Variants in RNF44 observed in about 807,000 individuals in gnomAD.
The protein encoded by RNF44 is ring finger protein 44.
A neutral mutation model predicts 53.6 loss-of-function variants in RNF44; 25 were observed. That is an observed-to-expected ratio of 0.47 (90% CI 0.34 to 0.65). The LOEUF is 0.65. Ranked by LOEUF, RNF44 falls within the 30% of genes least tolerant of loss-of-function variation. The pLI is 0.01. For synonymous variants in RNF44, 282 were observed against 252.2 expected (o/e 1.12, Z -1.12); for missense variants, 581 against 595.5 (o/e 0.98, Z 0.25).
At chr5:176,530,002 G>C in intron 7 of RNF44, 80 bp downstream of exon 7, 2 of 1,477,508 alleles carry the variant, frequency 1.4e-6, no homozygotes, top group South Asian at 1.5e-5. Flanking sequence ...GGGGCCCCTG[G>C]AGCTGTGTTT....
In RNF44 at chr5:176,528,930, G is replaced by T; in HGVS notation, c.*98C>A. 1 of 1,169,534 alleles carries T rather than the reference G, an allele frequency of 8.6e-7. No individual in the cohort carries two copies. The highest frequency in any genetic ancestry group is 1.2e-6 in the Non-Finnish European group (1 of 819,468). 72.4% of individuals were successfully genotyped at this position (1,169,534 alleles called of 1,614,324 possible). A position where few individuals can be genotyped will look rare whatever the true frequency, so the allele number is the denominator to read the frequency against. ...CTGGAAATGCAGGCAGGAGCGAAGG[G>T]GCAGGCCTGGGCCACTCCCTCCCCA... On this transcript the variant is annotated 3_prime_UTR_variant, in exon 11 of 11. Transcript: ENST00000274811.
upstream of RNF44, chr5:176,537,967 A>T (rs1757336655): frequency 1.3e-5 from 2 of 152,158 alleles, no homozygotes; most frequent in African/African-American, 4.8e-5. Flanking sequence ...AAAAGCTGGT[A>T]CGGCCCAGAT....
chr5:176,539,807 GT>G (rs1757406655), upstream of RNF44, among the ~76,000 whole-genome samples: 1 of 152,130 alleles, frequency 6.6e-6, no homozygotes, highest in African/African-American at 2.4e-5. Context: ...TGGAAGCCTG[GT>G]TTTGGGGCTG....
In RNF44 at chr5:176,530,187, G is replaced by A. The variant is rs924212742; in HGVS notation, c.821C>T (p.Pro274Leu). Residue 274 changes from proline to leucine, a missense_variant, in exon 7 of 11, where the codon CCA (proline) becomes CTA (leucine). Pro to Leu is a moderately conservative substitution (Grantham distance 98). This residue lies in a region of RNF44 where 11 missense variants were observed against 31.0 expected (regional missense o/e 0.35). Coordinates refer to ENST00000274811, the MANE Select transcript of RNF44 (RefSeq NM_014901.5). ...GTATCTCTGGGTGCTCAGTCTCCGT[G>A]GCATCATGTGAGAATATGGCTGCAA... ...SFGVPYSHMMPRRLSTQRYRL... is the reference protein window; with the variant it reads ...SFGVPYSHMMLRRLSTQRYRL... 7.5e-7 allele frequency: 1 copy of A among 1,326,514 alleles called. No individual in the cohort carries two copies. Among genetic ancestry groups the A allele is most frequent in the Non-Finnish European group, 9.7e-7 (1 of 1,034,814 alleles). 82.2% of individuals were successfully genotyped at this position (1,326,514 alleles called of 1,614,324 possible). A position where few individuals can be genotyped will look rare whatever the true frequency, so the allele number is the denominator to read the frequency against.
At position 176,529,815 on chromosome 5, in the gene RNF44, C is replaced by T. The variant is rs201108439; in HGVS notation, c.930G>A (p.Ser310=). The change falls in exon 8 of 11, where the codon TCG becomes TCA. Residue 310 remains serine, a synonymous_variant. Coordinates refer to ENST00000274811, the MANE Select transcript of RNF44 (RefSeq NM_014901.5). ...TTGCTGTTGGTGACATTGGCAGCAT[C>T]GAGCTAGAGAGAGACAAGTGTGGGG... is the stretch of plus-strand genomic sequence containing the variant. ...YYPSFLPYFL[S]MLPMSPTAMG... 2.9e-5 allele frequency: 46 copies of T among 1,599,634 alleles called. No homozygotes were observed. The South Asian group carries it at 3.9e-4, about 13-fold the overall frequency.
chr5:176,529,652 C>G lies in RNF44; in HGVS notation c.1015-8G>C, dbSNP rs368799690. 1 of 1,613,612 alleles carries G rather than the reference C, an allele frequency of 6.2e-7. No individual in the cohort carries two copies. Among genetic ancestry groups the G allele is most frequent in the Non-Finnish European group, 8.5e-7 (1 of 1,179,830 alleles). On this transcript the variant is annotated splice_polypyrimidine_tract_variant and splice_region_variant and intron_variant, in intron 8 of 10. Transcript: ENST00000274811. ...GGCCAGGTTCAGGAGGGCCTGCATGCGGGCAGGAGACGGGGTCAGCGGCGC... is the reference window on the plus strand; with the variant it reads ...GGCCAGGTTCAGGAGGGCCTGCATGGGGGCAGGAGACGGGGTCAGCGGCGC...
chr5:176,538,877 A>G (rs1757375712), upstream of RNF44, among the ~76,000 whole-genome samples: 1 of 151,770 alleles, frequency 6.6e-6, no homozygotes, highest in Non-Finnish European at 1.5e-5. Context: ...CTGATTAACA[A>G]TTGTCCTTAG....
Position 176,531,396 on chromosome 5 carries a change from C to T in RNF44, c.465+67G>A, listed in dbSNP as rs913290133. The stretch of plus-strand genomic sequence containing the variant: ...GCCCAGTTCAGGGCTGCCCTGGGCC[C>T]GCTGAGCCGCTGGCCTGTGCCTGGG... On this transcript the variant is annotated intron_variant, in intron 4 of 10. Coordinates refer to ENST00000274811, the MANE Select transcript of RNF44 (RefSeq NM_014901.5). The surrounding 1 kb of genome is among the most constrained non-coding windows in gnomAD (Gnocchi z 4.2). 51 of 1,475,752 alleles carry T rather than the reference C, an allele frequency of 3.5e-5. 2 individuals carry two copies. The South Asian group carries it at 4.0e-4, about 12-fold the overall frequency. 91.4% of individuals were successfully genotyped at this position (1,475,752 alleles called of 1,614,324 possible).
upstream of RNF44, among the ~76,000 whole-genome samples, chr5:176,542,986 G>C (rs1309738316): frequency 6.6e-6 from 1 of 152,124 alleles, no homozygotes; most frequent in African/African-American, 2.4e-5. Context: ...GGGGGTGGCG[G>C]TCGGGACGTG....
At chr5:176,539,645 G>A (rs999001926), upstream of RNF44, among the ~76,000 whole-genome samples, 2 of 151,296 alleles carry the variant, frequency 1.3e-5, no homozygotes, top group Admixed American at 6.6e-5. Flanking sequence ...CTGAGATTGC[G>A]CCACTGCACT....
In RNF44 at chr5:176,532,406, A is replaced by C. The variant is rs1369946786; in HGVS notation, c.67T>G (p.Ser23Ala). Residue 23 changes from serine (S) to alanine (A), a missense_variant, in exon 2 of 11, where the codon TCT becomes GCT. Ser to Ala is a moderately conservative substitution (Grantham distance 99). Transcript: ENST00000274811. ...CCCGGGGTGCTGCCAGGTCCCGCAG[A>C]GAATCGCCGCTGGCCCACGGGGGCG... ...PSAPVGQRRF[S>A]AGPGSTPGQL... 3 of 1,609,316 alleles carry C rather than the reference A, an allele frequency of 1.9e-6. No homozygotes were observed. Among genetic ancestry groups the C allele is most frequent in the Non-Finnish European group, 2.5e-6 (3 of 1,179,016 alleles).
intron 1 of RNF44, among the ~76,000 whole-genome samples, chr5:176,534,161 A>G (rs1756958177): frequency 1.3e-5 from 2 of 152,268 alleles, no homozygotes; most frequent in Non-Finnish European, 2.9e-5. Context: ...TGTCCAGCTC[A>G]GGGCAGGCCT....
At chr5:176,536,708 G>A (rs1251506298) in intron 1 of RNF44, among the ~76,000 whole-genome samples, 2 of 150,696 alleles carry the variant, frequency 1.3e-5, no homozygotes, top group Non-Finnish European at 2.9e-5. Context: ...GAGGGGGGCG[G>A]CTCCTTCCTC....
In RNF44 at chr5:176,530,260, CCGGAGCCCAGG is replaced by C. The variant is rs1355935524; in HGVS notation, c.802-65_802-55del. On this transcript the variant is annotated intron_variant, in intron 6 of 10. Coordinates refer to ENST00000274811, the MANE Select transcript of RNF44 (RefSeq NM_014901.5). ...CCAGCAGGCCTGCCTCCCAGCCGCC[CCGGAGCCCAGG>C]TGCAAGTCAGCCCGGTGGGCCTGCC... 6.0e-5 allele frequency: 44 copies of C among 737,240 alleles called. 1 individual carries two copies. The East Asian group carries it at 7.6e-4, about 13-fold the overall frequency. 45.7% of individuals were successfully genotyped at this position (737,240 alleles called of 1,614,324 possible). A position where few individuals can be genotyped will look rare whatever the true frequency, so the allele number is the denominator to read the frequency against.
rs1561845032 is a variant in RNF44 at position 176,530,317 on chromosome 5, AGGT to A, written c.802-114_802-112del. 1.8e-3 allele frequency: 393 copies of A among 223,356 alleles called. 43 individuals are homozygous for A. Among genetic ancestry groups the A allele is most frequent in the Middle Eastern group, 6.3e-3 (5 of 794 alleles). The allele number at this position is 223,356 out of a possible 1,614,324, so 13.8% of individuals were successfully genotyped here. On this transcript the variant is annotated intron_variant, in intron 6 of 10. Transcript: ENST00000274811. ...CTGCCTCCCAGCCGCCCCGGAGCCCAGGTGCAAGTCAGCCCGGTGGGCCTGCCT... is the reference window on the plus strand; with the variant it reads ...CTGCCTCCCAGCCGCCCCGGAGCCCAGCAAGTCAGCCCGGTGGGCCTGCCT...
chr5:176,531,518 G>C lies in RNF44; in HGVS notation c.410C>G (p.Ala137Gly), dbSNP rs1268344762. 1 of 1,605,358 alleles carries C rather than the reference G, an allele frequency of 6.2e-7. No homozygotes were observed. Among genetic ancestry groups the C allele is most frequent in the African/African-American group, 1.3e-5 (1 of 74,730 alleles). Residue 137 changes from alanine to glycine, a missense_variant, in exon 4 of 11, where the codon GCA (alanine) becomes GGA (glycine). Ala to Gly is a moderately conservative substitution (Grantham distance 60). This residue lies in a region of RNF44 where 387 missense variants were observed against 366.0 expected (regional missense o/e 1.06). Transcript: ENST00000274811. This position sits in a 1 kb window ranked among gnomAD's most constrained non-coding sequence, Gnocchi z 4.2. The stretch of plus-strand genomic sequence containing the variant: ...CTGCCCACTGAACATCACGGAGCAT[G>C]CTGGGAGCTGCTGGGCACTGCAGCC... ...IPGCSAQQLPACSVMFSGQHY... is the reference protein window; with the variant it reads ...IPGCSAQQLPGCSVMFSGQHY...
upstream of RNF44, among the ~76,000 whole-genome samples, chr5:176,540,725 C>T (rs1041026139): frequency 6.6e-6 from 1 of 152,230 alleles, no homozygotes; most frequent in Non-Finnish European, 1.5e-5. Context: ...AACCGCTGCC[C>T]TGTCCCTGCC....
At chr5:176,535,490 A>G (rs1305009564) in intron 1 of RNF44, among the ~76,000 whole-genome samples, 1 of 152,120 alleles carries the variant, frequency 6.6e-6, no homozygotes, top group Non-Finnish European at 1.5e-5. Flanking sequence ...TAGAAGGGTT[A>G]CACCCACTTC....
chr5:176,530,921 G>GGGGGGGGGGGGC lies in RNF44; in HGVS notation c.565_566insGCCCCCCCCCCC (p.Ala189delinsGlyProProProPro). The GGGGGGGGGGGGC allele has an allele frequency of 6.4e-6, 5 of 778,440 alleles. No homozygotes were observed. The highest frequency in any genetic ancestry group is 9.7e-6 in the Non-Finnish European group (5 of 514,196). 48.2% of individuals were successfully genotyped at this position (778,440 alleles called of 1,614,324 possible). On this transcript the variant is annotated protein_altering_variant, in exon 5 of 11. Transcript: ENST00000274811. Reference sequence around the variant, plus strand: ...CATGTGGGTGGGCTGGGGGGGTGGGGCCGGTGGTGGGGGGTGCAGGATGTA... The same window carrying GGGGGGGGGGGGC: ...CATGTGGGTGGGCTGGGGGGGTGGGGGGGGGGGGGGGCCCGGTGGTGGGGGGTGCAGGATGTA...
Sources: gnomAD v4.1 joint callset for allele counts (sites outside exome capture counted in the v4.1 genomes callset) on GRCh38, gnomAD v4.1.1 for gene constraint, gnomAD v4.1.1 regional missense constraint, Gnocchi (gnomAD v3.1) non-coding constraint, MANE v1.5 for transcripts, NCBI Gene and HGNC (gene_info 2026-07-23, HGNC 2026-07-21) for gene names.